Variants in CXorf58 observed in about 807,000 individuals in gnomAD.
CXorf58 encodes uncharacterized protein CXorf58.
A neutral mutation model predicts 26.0 loss-of-function variants in CXorf58; 24 were observed. The observed-to-expected ratio is 0.92, with a 90% CI of 0.67 to 1.30. The LOEUF is 1.30. Ranked by LOEUF, CXorf58 falls within the 50% of genes most tolerant of loss-of-function variation. CXorf58 has a pLI of 0.00. For missense variants in CXorf58, 236 were observed against 263.9 expected, an observed-to-expected ratio of 0.89 and a Z score of 0.73; for synonymous variants, 87 against 86.1, an observed-to-expected ratio of 1.01 and a Z score of -0.06.
chrX:23,925,346 CTTT>C (rs759663219), intron 5 of CXorf58, among the ~76,000 whole-genome samples: 5,114 of 91,810 alleles, frequency 0.056, 333 homozygotes, highest in African/African-American at 0.18. Context: ...TTTCTTTTCT[CTTT>C]TTTTTTTTTT....
At chrX:23,908,424 A>T (rs1927474767) in intron 1 of CXorf58, 95 bp downstream of exon 1, 1 of 112,556 alleles carries the variant, frequency 8.9e-6, no homozygotes, top group Non-Finnish European at 1.9e-5. Flanking sequence ...AGAGTAAACA[A>T]GCACTGATAC....
At chrX:23,909,197 T>C (rs943794308) in intron 1 of CXorf58, among the ~76,000 whole-genome samples, 2 of 112,375 alleles carry the variant, frequency 1.8e-5, no homozygotes, top group Non-Finnish European at 3.8e-5. Flanking sequence ...GTGAAACATA[T>C]TGATAAATTA....
At chrX:23,938,525 T>G (rs1928349438) in intron 7 of CXorf58, 22 bp from the exon 8 acceptor site, 1 of 1,083,602 alleles carries the variant, frequency 9.2e-7, no homozygotes, top group African/African-American at 1.9e-5. Flanking sequence ...ATTTTTCTGT[T>G]TTTAATACAA....
In CXorf58 at chrX:23,934,751, C is replaced by G. The variant is rs752981065; in HGVS notation, c.556-445C>G. Among the ~76,000 whole-genome samples, 13 of 109,372 alleles carry G rather than the reference C, an allele frequency of 1.2e-4. No individual in the cohort carries two copies. The South Asian group carries it at 4.3e-3, about 36-fold the overall frequency. 95.0% of individuals were successfully genotyped at this position (109,372 alleles called of 115,157 possible). ...GTTGGCCAGGCTGGTCTCGAACTCCCGACCTCAAGTGACCCACCTGCCTCA... is the reference window on the plus strand; with the variant it reads ...GTTGGCCAGGCTGGTCTCGAACTCCGGACCTCAAGTGACCCACCTGCCTCA... On this transcript the variant is annotated intron_variant, in intron 6 of 8. Coordinates refer to ENST00000379211, the MANE Select transcript of CXorf58 (RefSeq NM_152761.3).
chrX:23,924,978 ATGT>A (rs1233713015), intron 5 of CXorf58, among the ~76,000 whole-genome samples: 1 of 111,290 alleles, frequency 9.0e-6, no homozygotes, highest in Non-Finnish European at 1.9e-5. Flanking sequence ...TTTATTGAAA[ATGT>A]TGTTACATCA....
At position 23,915,736 on chromosome X, in the gene CXorf58, G is replaced by T. The variant is rs1315157393; in HGVS notation, c.253G>T (p.Ala85Ser). 1 of 1,195,265 alleles carries T rather than the reference G, an allele frequency of 8.4e-7. No homozygotes were observed. Residue 85 changes from alanine to serine, a missense_variant, in exon 4 of 9, where the codon GCC becomes TCC. Coordinates refer to ENST00000379211, the MANE Select transcript of CXorf58 (RefSeq NM_152761.3). ...YVTHEILKKV[A>S]PLEAKLIKDP... The stretch of plus-strand genomic sequence containing the variant: ...AACACATGAAATACTGAAGAAAGTG[G>T]CCCCCTTAGAGGCTAAGCTTATTAA...
chrX:23,914,710 A>T (rs111633962), intron 3 of CXorf58, among the ~76,000 whole-genome samples: 7,928 of 107,463 alleles, frequency 0.074, 647 homozygotes, highest in African/African-American at 0.24. Context: ...ACATGAAGAA[A>T]CCCCATCTCT....
At chrX:23,915,443 A>G (rs1266578480) in intron 3 of CXorf58, among the ~76,000 whole-genome samples, 1 of 111,801 alleles carries the variant, frequency 8.9e-6, no homozygotes, top group Non-Finnish European at 1.9e-5. Flanking sequence ...ATATATTGTG[A>G]AAAGTGCTGT....
chrX:23,918,440 C>G (rs1251778523), intron 5 of CXorf58, among the ~76,000 whole-genome samples: 1 of 111,883 alleles, frequency 8.9e-6, no homozygotes, highest in Non-Finnish European at 1.9e-5. Flanking sequence ...AACAAACAAG[C>G]AAAGAGAAAC....
At chrX:23,916,500 T>TA (rs11446281) in intron 5 of CXorf58, 172 bp downstream of exon 5, 10,482 of 109,298 alleles carry the variant, frequency 0.096, 728 homozygotes, top group East Asian at 0.33. Context: ...ACTTACTAGC[T>TA]AAAAAAAAAA....
At chrX:23,929,405 C>CAAAAAAA (rs1169185534) in intron 6 of CXorf58, among the ~76,000 whole-genome samples, 1 of 36,406 alleles carries the variant, frequency 2.7e-5, no homozygotes, top group African/African-American at 8.2e-5. Flanking sequence ...GACTGTGTCT[C>CAAAAAAA]AAAAAAAAAA....
intron 5 of CXorf58, 172 bp downstream of exon 5, chrX:23,916,500 TAAAAAA>T: frequency 1.7e-5 from 2 of 115,426 alleles, no homozygotes; most frequent in Non-Finnish European, 3.0e-5. Context: ...ACTTACTAGC[TAAAAAA>T]AAAAAAAAAA....
chrX:23,936,336 T>C (rs1928296456), intron 7 of CXorf58, among the ~76,000 whole-genome samples: 1 of 112,054 alleles, frequency 8.9e-6, no homozygotes, highest in Non-Finnish European at 1.9e-5. Context: ...AATTCTATTC[T>C]TGCTACTCTG....
intron 6 of CXorf58, among the ~76,000 whole-genome samples, chrX:23,931,014 A>G (rs959363308): frequency 8.9e-6 from 1 of 112,150 alleles, no homozygotes; most frequent in Non-Finnish European, 1.9e-5. Flanking sequence ...AAAAATTAGC[A>G]TGACTCTATT....
chrX:23,933,916 A>G (rs1201156594), intron 6 of CXorf58, among the ~76,000 whole-genome samples: 3 of 108,508 alleles, frequency 2.8e-5, no homozygotes, highest in African/African-American at 1.0e-4. Flanking sequence ...ACGTGGTGGC[A>G]TGTACCTGTA....
chrX:23,924,876 TTG>T (rs1927965076), intron 5 of CXorf58, among the ~76,000 whole-genome samples: 1 of 111,697 alleles, frequency 9.0e-6, no homozygotes, highest in Non-Finnish European at 1.9e-5. Context: ...ATCCTACATA[TTG>T]TTTTTTTAAA....
At chrX:23,923,412 G>A (rs1173060029) in intron 5 of CXorf58, among the ~76,000 whole-genome samples, 2 of 109,056 alleles carry the variant, frequency 1.8e-5, no homozygotes, top group Admixed American at 2.0e-4. Flanking sequence ...TAAGGTGGGC[G>A]GATCACTTGA....
chrX:23,937,613 C>T (rs1928327353), intron 7 of CXorf58, among the ~76,000 whole-genome samples: 1 of 109,237 alleles, frequency 9.2e-6, no homozygotes, highest in South Asian at 3.9e-4. Context: ...TTAATAGAGA[C>T]AGGGTTTCTC....
intron 5 of CXorf58, among the ~76,000 whole-genome samples, chrX:23,921,608 A>G (rs1384022055): frequency 9.0e-6 from 1 of 110,931 alleles, no homozygotes; most frequent in Non-Finnish European, 1.9e-5. Flanking sequence ...AATATTTCTC[A>G]CTCTAAGCTT....
Sources: allele counts gnomAD v4.1 joint callset (sites outside exome capture counted in the v4.1 genomes callset), GRCh38; gene constraint gnomAD v4.1.1; transcripts MANE v1.5; gene names NCBI Gene and HGNC (gene_info 2026-07-23, HGNC 2026-07-21).